TRPM1: variants seen among roughly 807,000 people sequenced by gnomAD.
TRPM1 encodes transient receptor potential cation channel subfamily M member 1.
In TRPM1, 113 loss-of-function variants were observed where a neutral mutation model predicts 149.4. That is an observed-to-expected ratio of 0.76 (90% CI 0.65 to 0.88). TRPM1 has a LOEUF of 0.88. Ranked by LOEUF, TRPM1 falls within the 40% of genes least tolerant of loss-of-function variation. The pLI, the probability that TRPM1 is intolerant of heterozygous loss-of-function variation, is 0.00. For synonymous variants in TRPM1, 741 were observed against 759.5 expected, an observed-to-expected ratio of 0.98 and a Z score of 0.40; for missense variants, 1,976 against 2,038.7, an observed-to-expected ratio of 0.97 and a Z score of 0.59.
In TRPM1 at chr15:31,123,888, A is replaced by G. The variant is rs374744803; in HGVS notation, c.54+37018T>C. Reference sequence around the variant, plus strand: ...TGTCCACACCAAAACCTGCACACAAATGTCTATGACAGCTTTATTCATCAT... The same window carrying G: ...TGTCCACACCAAAACCTGCACACAAGTGTCTATGACAGCTTTATTCATCAT... On this transcript the variant is annotated intron_variant, in intron 1 of 26. Coordinates refer to the TRPM1 transcript ENST00000542188. Among the ~76,000 whole-genome samples, 6 of 136,452 alleles carry G rather than the reference A, an allele frequency of 4.4e-5. No homozygotes were observed. The East Asian group carries it at 7.7e-4, about 18-fold the overall frequency. 89.5% of individuals were successfully genotyped at this position (136,452 alleles called of 152,430 possible). A position where few individuals can be genotyped will look rare whatever the true frequency, so the allele number is the denominator to read the frequency against.
At chr15:31,115,837 A>G (rs1378477804) in intron 1 of TRPM1, among the ~76,000 whole-genome samples, 1 of 151,798 alleles carries the variant, frequency 6.6e-6, no homozygotes, top group Non-Finnish European at 1.5e-5. Flanking sequence ...TAAACAACAA[A>G]CATTTATTTC....
At chr15:31,147,883 G>A (rs910470647) in intron 1 of TRPM1, among the ~76,000 whole-genome samples, 3 of 152,206 alleles carry the variant, frequency 2.0e-5, no homozygotes, top group African/African-American at 7.2e-5. Context: ...GGCGGCTGCT[G>A]AACAGCCTGC....
rs1174515520 is a variant in TRPM1, at chr15:31,099,882, C to T, written c.-84+1775G>A. On this transcript the variant is annotated intron_variant, in intron 1 of 27. Coordinates refer to ENST00000256552, the MANE Select transcript of TRPM1 (RefSeq NM_001252024.2). ...TTTTGAGAACCTGACCAAAGGCAGT[C>T]TTTCCCAGAATCAGTCCCGTATTCA... Among the ~76,000 whole-genome samples the T allele has an allele frequency of 2.0e-5, 3 of 152,110 alleles. No individual in the cohort carries two copies. In the East Asian group the frequency reaches 5.8e-4, roughly 29 times the overall value.
intron 5 of TRPM1, 119 bp downstream of exon 5, chr15:31,067,760 A>T (rs551510454): frequency 9.9e-7 from 1 of 1,012,026 alleles, no homozygotes; most frequent in African/African-American, 1.6e-5. Flanking sequence ...CACTTTAGTC[A>T]TAAATAGGAT....
chr15:31,160,144 G>A (rs962288737), intron 1 of TRPM1, among the ~76,000 whole-genome samples: 1 of 152,174 alleles, frequency 6.6e-6, no homozygotes, highest in African/African-American at 2.4e-5. Context: ...CACTGCATGC[G>A]AGGGGCAGTC....
At chr15:31,088,728 G>C (rs907961059) in intron 1 of TRPM1, among the ~76,000 whole-genome samples, 1 of 151,454 alleles carries the variant, frequency 6.6e-6, no homozygotes, top group South Asian at 2.1e-4. Flanking sequence ...TGACTGAAGC[G>C]GCGGTATTCG....
chr15:31,072,320 C>T (rs1166104136), intron 3 of TRPM1, among the ~76,000 whole-genome samples: 2 of 152,024 alleles, frequency 1.3e-5, no homozygotes, highest in Non-Finnish European at 2.9e-5. Context: ...AGCATGTTTT[C>T]AAGGTTCATC....
chr15:31,092,586 G>A (rs576919545), intron 1 of TRPM1, among the ~76,000 whole-genome samples: 2 of 152,288 alleles, frequency 1.3e-5, no homozygotes, highest in African/African-American at 4.8e-5. Context: ...GACAGAAAAC[G>A]ATTTCTCGTT....
chr15:31,004,913 C>T (rs1244828701), intron 27 of TRPM1, among the ~76,000 whole-genome samples: 1 of 151,978 alleles, frequency 6.6e-6, no homozygotes, highest in Non-Finnish European at 1.5e-5. Flanking sequence ...ACCAGCCTGG[C>T]CAATATGGTG....
chr15:31,026,116 C>T (rs777667987), intron 27 of TRPM1, 23 bp downstream of exon 27: 10 of 1,608,998 alleles, frequency 6.2e-6, no homozygotes, highest in Admixed American at 1.7e-5. Context: ...CTCACGGGCC[C>T]GCGGTGGGGA....
rs904335133 is a variant in TRPM1 at position 31,026,473 on chromosome 15, G to A, written c.3497-202C>T. 2.6e-5 allele frequency among the ~76,000 whole-genome samples: 4 copies of A among 152,078 alleles called. 1 individual carries two copies. The South Asian group carries it at 8.3e-4, about 31-fold the overall frequency. ...TCTATCAGTTGGAGCCAAACGGCCC[G>A]CTTTTAAACATAAAAAACAAAATTA... is the stretch of plus-strand genomic sequence containing the variant. On this transcript the variant is annotated intron_variant, in intron 26 of 27. Coordinates refer to ENST00000256552, the MANE Select transcript of TRPM1 (RefSeq NM_001252024.2).
chr15:31,010,956 G>A (rs568424477), intron 27 of TRPM1, among the ~76,000 whole-genome samples: 2 of 152,050 alleles, frequency 1.3e-5, no homozygotes, highest in African/African-American at 2.4e-5. Context: ...CTGCTATTGG[G>A]TGCATATATG....
chr15:31,084,676 C>CTTTTTT (rs59470983), intron 1 of TRPM1, among the ~76,000 whole-genome samples: 1 of 128,486 alleles, frequency 7.8e-6, no homozygotes. Context: ...TTTTTCTTTT[C>CTTTTTT]TTTTTTTTTT....
At chr15:31,137,894 A>G (rs999498631) in intron 1 of TRPM1, among the ~76,000 whole-genome samples, 1 of 152,126 alleles carries the variant, frequency 6.6e-6, no homozygotes, top group African/African-American at 2.4e-5. Context: ...ATTTTCCTAA[A>G]CCTAGAAAAA....
rs1460633406 is a variant in TRPM1 at position 31,001,508 on chromosome 15, C to G, written c.*314G>C. 1.1e-5 allele frequency: 4 copies of G among 363,750 alleles called. No homozygotes were observed. In the East Asian group the frequency reaches 2.6e-4, roughly 24 times the overall value. The allele number at this position is 363,750 out of a possible 1,614,324, so 22.5% of individuals were successfully genotyped here. A position where few individuals can be genotyped will look rare whatever the true frequency, so the allele number is the denominator to read the frequency against. ...AAGTGACCTAATGGTGACTTCAGTG[C>G]TCGAGGGCACTTCCTAGGCTATTTG... On this transcript the variant is annotated 3_prime_UTR_variant, in exon 28 of 28. Transcript: ENST00000256552.
intron 27 of TRPM1, among the ~76,000 whole-genome samples, chr15:31,019,228 T>C (rs1170541751): frequency 1.3e-5 from 2 of 152,204 alleles, no homozygotes; most frequent in Non-Finnish European, 2.9e-5. Context: ...CCACTCTAAA[T>C]TTTACATCCA....
exon 1 of TRPM1, chr15:31,161,054 G>GCC: frequency 7.9e-7 from 1 of 1,266,184 alleles, no homozygotes; most frequent in Admixed American, 2.0e-5. Flanking sequence ...CAGGAGCGGA[G>GCC]CCACACACTC....
At chr15:31,039,869 TG>T (rs1227709490) in intron 18 of TRPM1, among the ~76,000 whole-genome samples, 2 of 152,220 alleles carry the variant, frequency 1.3e-5, no homozygotes, top group Non-Finnish European at 2.9e-5. Context: ...GCTGGTCAGG[TG>T]GGGCTCTGGA....
intron 27 of TRPM1, among the ~76,000 whole-genome samples, chr15:31,008,465 T>A (rs146273164): frequency 6.6e-6 from 1 of 152,250 alleles, no homozygotes; most frequent in East Asian, 1.9e-4. Flanking sequence ...TAGGGTTTTT[T>A]CCTTTAAATC....
Sources: allele counts gnomAD v4.1 joint callset (sites outside exome capture counted in the v4.1 genomes callset), GRCh38; gene constraint gnomAD v4.1.1; transcripts MANE v1.5; gene names NCBI Gene and HGNC (gene_info 2026-07-23, HGNC 2026-07-21).